Variants in SPATA22 observed in about 807,000 individuals in gnomAD.
SPATA22 encodes spermatogenesis-associated protein 22.
A neutral mutation model predicts 47.8 loss-of-function variants in SPATA22; 29 were observed. The observed-to-expected ratio is 0.61, with a 90% CI of 0.45 to 0.83. SPATA22 has a LOEUF of 0.83. Ranked by LOEUF, SPATA22 falls within the 40% of genes least tolerant of loss-of-function variation. The pLI is 0.00. For missense variants in SPATA22, 410 were observed against 421.7 expected, an observed-to-expected ratio of 0.97 and a Z score of 0.24; for synonymous variants, 133 against 140.9, an observed-to-expected ratio of 0.94 and a Z score of 0.40.
At chr17:3,503,764 TTTGA>T (rs1350198755) in intron 1 of SPATA22, among the ~76,000 whole-genome samples, 42 of 152,310 alleles carry the variant, frequency 2.8e-4, no homozygotes, top group African/African-American at 9.9e-4. Context: ...TTTATTTTAC[TTTGA>T]TTATTTCTAA....
upstream of SPATA22, among the ~76,000 whole-genome samples, chr17:3,473,750 GGC>G (rs2073482820): frequency 6.6e-6 from 1 of 152,006 alleles, no homozygotes; most frequent in Non-Finnish European, 1.5e-5. Flanking sequence ...CGCCCACCTC[GGC>G]CTCCCAAAGT....
At chr17:3,474,579 G>T (rs758335021), upstream of SPATA22, among the ~76,000 whole-genome samples, 5 of 152,110 alleles carry the variant, frequency 3.3e-5, no homozygotes, top group African/African-American at 4.8e-5. Context: ...AAGCCTACAG[G>T]AGCTTTTTTT....
chr17:3,460,086 T>C (rs978471104), intron 5 of SPATA22, among the ~76,000 whole-genome samples: 3 of 152,230 alleles, frequency 2.0e-5, no homozygotes, highest in Non-Finnish European at 4.4e-5. Context: ...GCACGTTAGA[T>C]AAATTCATGT....
intron 1 of SPATA22, among the ~76,000 whole-genome samples, chr17:3,487,450 CAT>C (rs1486316007): frequency 6.6e-6 from 1 of 152,156 alleles, no homozygotes; most frequent in Non-Finnish European, 1.5e-5. Flanking sequence ...AAGGGCCAAA[CAT>C]ATCAGCAATG....
Position 3,483,513 on chromosome 17 carries a change from A to G in SPATA22, c.-73-14115T>C, listed in dbSNP as rs760702576. 6 of 1,614,086 alleles carry G rather than the reference A, an allele frequency of 3.7e-6. No homozygotes were observed. In the South Asian group the frequency reaches 6.6e-5, roughly 18 times the overall value. ...ATTTTTTTCAGACTTCTCTGGCTCCACTACCCTGCTACGTTTATCTGATTG... is the reference window on the plus strand; with the variant it reads ...ATTTTTTTCAGACTTCTCTGGCTCCGCTACCCTGCTACGTTTATCTGATTG... On this transcript the variant is annotated intron_variant, in intron 1 of 8. Coordinates refer to the SPATA22 transcript ENST00000541913.
At chr17:3,479,164 C>A (rs2073584147) in intron 1 of SPATA22, among the ~76,000 whole-genome samples, 1 of 152,142 alleles carries the variant, frequency 6.6e-6, no homozygotes, top group African/African-American at 2.4e-5. Context: ...ATGGCTAATG[C>A]CCTTCAGAAT....
intron 1 of SPATA22, chr17:3,499,065 A>C (rs2073958810): frequency 1.9e-6 from 3 of 1,614,018 alleles, no homozygotes; most frequent in African/African-American, 1.3e-5. Flanking sequence ...CAATGCAAAA[A>C]GTATTCGCTG....
intron 5 of SPATA22, among the ~76,000 whole-genome samples, chr17:3,452,893 C>T (rs188240727): frequency 6.6e-6 from 1 of 152,110 alleles, no homozygotes; most frequent in African/African-American, 2.4e-5. Context: ...TAATCAAAAA[C>T]CTCTCAACAA....
At chr17:3,471,924 G>T, upstream of SPATA22, 1 of 927,750 alleles carries the variant, frequency 1.1e-6, no homozygotes, top group Non-Finnish European at 1.3e-6. Context: ...GCGCGATGAC[G>T]TTAACGCTCT....
In SPATA22 at chr17:3,467,471, T is replaced by C; in HGVS notation, c.127A>G (p.Ile43Val). The C allele has an allele frequency of 6.2e-7, 1 of 1,609,318 alleles. No individual in the cohort carries two copies. The highest frequency in any genetic ancestry group is 8.5e-7 in the Non-Finnish European group (1 of 1,177,738). The stretch of plus-strand genomic sequence containing the variant: ...TCATAATTGTCAGAAGGGGTACTGA[T>C]ACCTGAATCATCTTTAAGTGGATTA... Reference protein sequence around the residue: ...TSNPLKDDSGISTPSDNYDFP... With the variant: ...TSNPLKDDSGVSTPSDNYDFP... Residue 43 changes from isoleucine (I) to valine (V), a missense_variant, in exon 3 of 9, where the codon ATC (isoleucine) becomes GTC (valine). By Grantham distance (29) the Ile-to-Val change is conservative. Transcript: ENST00000572969.
chr17:3,456,090 T>C (rs191391098), intron 5 of SPATA22, among the ~76,000 whole-genome samples: 24 of 152,312 alleles, frequency 1.6e-4, no homozygotes, highest in Admixed American at 1.6e-3. Context: ...GATTTGGCTC[T>C]CTGTTTGTCT....
chr17:3,493,443 C>G (rs1305142011), intron 1 of SPATA22, among the ~76,000 whole-genome samples: 2 of 151,586 alleles, frequency 1.3e-5, no homozygotes, highest in African/African-American at 4.9e-5. Flanking sequence ...TGCCCATAGT[C>G]CCAGCTACTC....
intron 5 of SPATA22, among the ~76,000 whole-genome samples, chr17:3,461,969 T>C (rs373105722): frequency 1.3e-5 from 2 of 152,322 alleles, no homozygotes; most frequent in African/African-American, 2.4e-5. Context: ...GCAAGAACCC[T>C]CACCATCTTT....
chr17:3,482,981 C>T (rs17222495), intron 1 of SPATA22, among the ~76,000 whole-genome samples: 4,839 of 133,886 alleles, frequency 0.036, 131 homozygotes, highest in East Asian at 0.11. Context: ...GAAGAGAGAG[C>T]GGAATGCTTT....
At chr17:3,494,642 C>G (rs1026151629) in intron 1 of SPATA22, among the ~76,000 whole-genome samples, 12 of 152,292 alleles carry the variant, frequency 7.9e-5, no homozygotes, top group African/African-American at 2.6e-4. Flanking sequence ...GTAACCTGTG[C>G]TGGCTGTGTG....
chr17:3,505,545 T>A, intron 1 of SPATA22, among the ~76,000 whole-genome samples: 1 of 151,684 alleles, frequency 6.6e-6, no homozygotes, highest in South Asian at 2.1e-4. Context: ...AGTGCTCCAA[T>A]AGGAGGAGCA....
chr17:3,509,185 C>CA (rs2074078663), intron 1 of SPATA22, among the ~76,000 whole-genome samples: 1 of 151,592 alleles, frequency 6.6e-6, no homozygotes, highest in African/African-American at 2.4e-5. Flanking sequence ...ATAGAGCCCT[C>CA]ATTTTTTTTA....
At chr17:3,475,912 T>G, upstream of SPATA22, 1 of 523,506 alleles carries the variant, frequency 1.9e-6, no homozygotes, top group South Asian at 2.1e-5. Context: ...AGTAAACAGC[T>G]GTATCTCTAG....
rs768134080 is a variant in SPATA22 at position 3,446,464 on chromosome 17, T to C, written c.802+8A>G. The C allele has an allele frequency of 6.3e-7, 1 of 1,599,638 alleles. No homozygotes were observed. The highest frequency in any genetic ancestry group is 8.5e-7 in the Non-Finnish European group (1 of 1,175,524). On this transcript the variant is annotated splice_region_variant and intron_variant, in intron 7 of 8. Coordinates refer to ENST00000572969, the MANE Select transcript of SPATA22 (RefSeq NM_001170698.2). ...ATTACTGAAGTATTTTTAAAGTATTTTACCTACCTAATACTTCAAAAAGAA... is the reference window on the plus strand; with the variant it reads ...ATTACTGAAGTATTTTTAAAGTATTCTACCTACCTAATACTTCAAAAAGAA...
Sources: gnomAD v4.1 joint callset for allele counts (sites outside exome capture counted in the v4.1 genomes callset) on GRCh38, gnomAD v4.1.1 for gene constraint, MANE v1.5 for transcripts, NCBI Gene and HGNC (gene_info 2026-07-23, HGNC 2026-07-21) for gene names.